LRMDA: variants seen among roughly 807,000 people sequenced by gnomAD.
LRMDA encodes the protein leucine rich melanocyte differentiation associated, also known as leucine-rich melanocyte differentiation-associated protein.
In LRMDA, 18 loss-of-function variants were observed where a neutral mutation model predicts 29.8. That is an observed-to-expected ratio of 0.60 (90% confidence interval 0.42 to 0.90). The LOEUF is 0.90. LRMDA is among the 40% of genes least tolerant of loss of function. LRMDA has a pLI of 0.00. For synonymous variants in LRMDA, 125 were observed against 109.4 expected, an observed-to-expected ratio of 1.14 and a Z score of -0.89; for missense variants, 273 against 273.9, an observed-to-expected ratio of 1.00 and a Z score of 0.02.
chr10:76,114,664 G>A (rs988314120), intron 5 of LRMDA, among the ~76,000 whole-genome samples: 2 of 152,170 alleles, frequency 1.3e-5, no homozygotes, highest in African/African-American at 2.4e-5. Context: ...ATCAGCTTAC[G>A]TGTGTGCAGC....
At chr10:75,741,531 A>C (rs1248936241) in intron 2 of LRMDA, among the ~76,000 whole-genome samples, 1 of 152,178 alleles carries the variant, frequency 6.6e-6, no homozygotes, top group Non-Finnish European at 1.5e-5. Flanking sequence ...CATCTGTGGA[A>C]TCCCTTTTGG....
chr10:75,822,072 C>G (rs1042365591), intron 2 of LRMDA, among the ~76,000 whole-genome samples: 22 of 152,108 alleles, frequency 1.4e-4, no homozygotes, highest in African/African-American at 5.3e-4. Flanking sequence ...AATATTATAC[C>G]TAGAAAACCA....
intron 6 of LRMDA, among the ~76,000 whole-genome samples, chr10:76,417,919 A>T (rs1842033805): frequency 6.6e-6 from 1 of 152,178 alleles, no homozygotes; most frequent in Non-Finnish European, 1.5e-5. Context: ...AAAAGACCTG[A>T]CATTCCTCAC....
intron 2 of LRMDA, among the ~76,000 whole-genome samples, chr10:75,861,608 A>G (rs1702067195): frequency 6.6e-6 from 1 of 152,186 alleles, no homozygotes; most frequent in African/African-American, 2.4e-5. Context: ...ACACTAGGTC[A>G]TTGAATATTA....
intron 2 of LRMDA, among the ~76,000 whole-genome samples, chr10:75,458,037 A>C (rs1357445124): frequency 1.3e-5 from 2 of 152,200 alleles, no homozygotes; most frequent in African/African-American, 2.4e-5. Context: ...CTGAGTATTG[A>C]GTATTGAGTA....
At chr10:76,414,145 A>G (rs2132511947) in intron 6 of LRMDA, among the ~76,000 whole-genome samples, 1 of 152,350 alleles carries the variant, frequency 6.6e-6, no homozygotes, top group South Asian at 2.1e-4. Context: ...TTTTTAAGTT[A>G]TCTGAGCTTC....
intron 5 of LRMDA, among the ~76,000 whole-genome samples, chr10:76,115,879 C>T (rs1447757297): frequency 6.6e-6 from 1 of 152,068 alleles, no homozygotes; most frequent in African/African-American, 2.4e-5. Context: ...CAGATGGAGC[C>T]GGCGACCTTT....
At chr10:75,621,182 G>A (rs1442076710) in intron 2 of LRMDA, among the ~76,000 whole-genome samples, 1 of 148,016 alleles carries the variant, frequency 6.8e-6, no homozygotes, top group African/African-American at 2.5e-5. Context: ...CCTTTTTATG[G>A]CTGAGTAGTA....
chr10:76,355,048 C>T (rs1354658862), intron 6 of LRMDA, among the ~76,000 whole-genome samples: 1 of 152,116 alleles, frequency 6.6e-6, no homozygotes, highest in Non-Finnish European at 1.5e-5. Context: ...TCAACAGGTA[C>T]TTGTTCAGAG....
In LRMDA at chr10:75,752,458, A is replaced by G. The variant is rs148567869; in HGVS notation, c.132-283550A>G. ...GATCTCCTGACCTCTTGATCCACCC[A>G]CCTCAGATCCCAAAGTGCTGGGATT... On this transcript the variant is annotated intron_variant, in intron 2 of 6. Coordinates refer to ENST00000611255, the MANE Select transcript of LRMDA (RefSeq NM_001305581.2). 6.5e-3 allele frequency among the ~76,000 whole-genome samples: 983 copies of G among 152,062 alleles called. 11 individuals are homozygous for G. Among genetic ancestry groups the G allele is most frequent in the African/African-American group, 0.022 (907 of 41,506 alleles).
At chr10:75,799,201 T>A (rs1418670724) in intron 2 of LRMDA, among the ~76,000 whole-genome samples, 1 of 152,230 alleles carries the variant, frequency 6.6e-6, no homozygotes, top group African/African-American at 2.4e-5. Flanking sequence ...TTTTTTCTTT[T>A]ACCTCTGTCT....
intron 4 of LRMDA, among the ~76,000 whole-genome samples, chr10:76,051,884 T>G (rs1337006483): frequency 6.6e-6 from 1 of 152,228 alleles, no homozygotes; most frequent in Non-Finnish European, 1.5e-5. Flanking sequence ...TCCCCAACAC[T>G]TTAAAAACTT....
At chr10:76,138,450 C>T (rs972447916) in intron 5 of LRMDA, among the ~76,000 whole-genome samples, 1 of 152,136 alleles carries the variant, frequency 6.6e-6, no homozygotes. Flanking sequence ...CCTACTCCCC[C>T]CATTTGCTTG....
At chr10:75,503,855 G>A (rs1430904788) in intron 2 of LRMDA, among the ~76,000 whole-genome samples, 1 of 152,094 alleles carries the variant, frequency 6.6e-6, no homozygotes, top group Non-Finnish European at 1.5e-5. Flanking sequence ...AGTTGTGAGA[G>A]TCTTGGCTTC....
At chr10:76,076,857 C>T (rs1035557193) in intron 5 of LRMDA, among the ~76,000 whole-genome samples, 6 of 152,102 alleles carry the variant, frequency 3.9e-5, no homozygotes, top group African/African-American at 1.4e-4. Context: ...CATTTATAGC[C>T]AGGAATAGAA....
chr10:76,239,694 T>C lies in LRMDA; in HGVS notation c.517-84707T>C, dbSNP rs567201004. ...GCTTTGGCTGGTTGCCTCCTTGCCA[T>C]GCCATCTAACTTGTTCCTCTATCCT... On this transcript the variant is annotated intron_variant, in intron 5 of 6. Transcript: ENST00000611255. Among the ~76,000 whole-genome samples, 19 of 152,256 alleles carry C rather than the reference T, an allele frequency of 1.2e-4. 1 individual carries two copies. In the South Asian group the frequency reaches 3.7e-3, roughly 30 times the overall value.
At chr10:75,465,811 A>G (rs1185823521) in intron 2 of LRMDA, among the ~76,000 whole-genome samples, 3 of 152,220 alleles carry the variant, frequency 2.0e-5, no homozygotes, top group Non-Finnish European at 4.4e-5. Flanking sequence ...TTGGATTTTT[A>G]TAAAATGACC....
At chr10:75,631,524 G>GA (rs1467570497) in intron 2 of LRMDA, among the ~76,000 whole-genome samples, 2 of 152,086 alleles carry the variant, frequency 1.3e-5, no homozygotes, top group African/African-American at 4.8e-5. Context: ...TGATGGGGGG[G>GA]AAATACCCTC....
intron 6 of LRMDA, among the ~76,000 whole-genome samples, chr10:76,505,800 G>A (rs1387470227): frequency 1.3e-5 from 2 of 152,092 alleles, no homozygotes; most frequent in African/African-American, 4.8e-5. Flanking sequence ...TTGCTTATGA[G>A]CTAGGGTGCT....
Sources: gnomAD v4.1 joint callset for allele counts (sites outside exome capture counted in the v4.1 genomes callset) on GRCh38, gnomAD v4.1.1 for gene constraint, MANE v1.5 for transcripts, NCBI Gene and HGNC (gene_info 2026-07-23, HGNC 2026-07-21) for gene names.